Variants in TMEM19 observed in about 807,000 individuals in gnomAD.
The protein encoded by TMEM19 is transmembrane protein 19.
In TMEM19, 21 loss-of-function variants were observed where a neutral mutation model predicts 33.6. That is an observed-to-expected ratio of 0.62 (90% CI 0.44 to 0.90). The LOEUF is 0.90. Ranked by LOEUF, TMEM19 falls within the 40% of genes least tolerant of loss-of-function variation. The pLI is 0.00. For missense variants in TMEM19, 402 were observed against 401.8 expected (o/e 1.00, Z 0.00); for synonymous variants, 149 against 147.5 (o/e 1.01, Z -0.07).
Position 71,703,881 on chromosome 12 carries a change from C to CT in TMEM19, c.*2901dup, listed in dbSNP as rs58258956. 0.034 allele frequency: 7,049 copies of CT among 205,062 alleles called. 348 individuals are homozygous for CT. Among genetic ancestry groups the CT allele is most frequent in the African/African-American group, 0.13 (5,134 of 38,766 alleles). 12.7% of individuals were successfully genotyped at this position (205,062 alleles called of 1,614,324 possible). ...GAGGATAAGAAATTGTGTCTCTGTCCTTTTTTTTTTTTTTTGTTAAGTCTT... is the reference window on the plus strand; with the variant it reads ...GAGGATAAGAAATTGTGTCTCTGTCCTTTTTTTTTTTTTTTTGTTAAGTCTT... On this transcript the variant is annotated 3_prime_UTR_variant, in exon 6 of 6. Transcript: ENST00000266673.
At position 71,700,783 on chromosome 12, in the gene TMEM19, A is replaced by T; in HGVS notation, c.848-49A>T. ...AAAAAAAAGAAAGAAAAGAAAAAAA[A>T]TGAAGTCATTTGGGTTTTCTATCTC... On this transcript the variant is annotated intron_variant, in intron 5 of 5. Transcript: ENST00000266673. 2.7e-6 allele frequency: 4 copies of T among 1,461,994 alleles called. No homozygotes were observed. In the South Asian group the frequency reaches 6.2e-5, roughly 23 times the overall value. 90.6% of individuals were successfully genotyped at this position (1,461,994 alleles called of 1,614,324 possible).
At chr12:71,690,677 T>C (rs950512461) in intron 2 of TMEM19, among the ~76,000 whole-genome samples, 7 of 152,234 alleles carry the variant, frequency 4.6e-5, no homozygotes, top group African/African-American at 1.7e-4. Context: ...GAAGATGTAG[T>C]GCATTCTTCT....
chr12:71,695,695 A>G (rs1242935515), intron 2 of TMEM19, among the ~76,000 whole-genome samples: 2 of 152,160 alleles, frequency 1.3e-5, no homozygotes, highest in East Asian at 3.9e-4. Context: ...ATTATCCCTG[A>G]CTTTTTACAG....
intron 2 of TMEM19, 89 bp from the exon 3 acceptor site, chr12:71,696,347 T>C (rs1881870187): frequency 8.4e-7 from 1 of 1,196,738 alleles, no homozygotes; most frequent in African/African-American, 1.5e-5. Context: ...CAGGTTATAA[T>C]ATAAAAATAA....
In TMEM19 at chr12:71,703,189, A is replaced by AG; in HGVS notation, c.*2194_*2195insG. 1.6e-5 allele frequency: 1 copy of AG among 62,208 alleles called. No individual in the cohort carries two copies. The highest frequency in any genetic ancestry group is 2.6e-5 in the Non-Finnish European group (1 of 38,134). 3.9% of individuals were successfully genotyped at this position (62,208 alleles called of 1,614,324 possible). ...GAGACTCCATCTAGACTCCATCTCAAAAAAAAAAAAAAAAAAAAAAAAAAA... is the reference window on the plus strand; with the variant it reads ...GAGACTCCATCTAGACTCCATCTCAAGAAAAAAAAAAAAAAAAAAAAAAAAA... On this transcript the variant is annotated 3_prime_UTR_variant, in exon 6 of 6. Transcript: ENST00000266673.
rs1200797120 is a variant in TMEM19 at position 71,686,464 on chromosome 12, G to T, written c.-217G>T. ...CCGCCGGGTTGCGCTCTGCTTTTGC[G>T]GTGAGGCGTTGACCACGCCCATATG... On this transcript the variant is annotated 5_prime_UTR_variant, in exon 1 of 6. Coordinates refer to ENST00000266673, the MANE Select transcript of TMEM19 (RefSeq NM_018279.4). 1.4e-5 allele frequency: 6 copies of T among 430,374 alleles called. No individual in the cohort carries two copies. The highest frequency in any genetic ancestry group is 1.0e-4 in the South Asian group (4 of 38,182). 26.7% of individuals were successfully genotyped at this position (430,374 alleles called of 1,614,324 possible).
At position 71,686,106 on chromosome 12, in the gene TMEM19, G is replaced by C. The variant is rs561581347; in HGVS notation, c.-575G>C. 1 of 158,980 alleles carries C rather than the reference G, an allele frequency of 6.3e-6. No homozygotes were observed. Among genetic ancestry groups the C allele is most frequent in the Non-Finnish European group, 1.4e-5 (1 of 72,908 alleles). The allele number at this position is 158,980 out of a possible 1,614,324, so 9.8% of individuals were successfully genotyped here. On this transcript the variant is annotated 5_prime_UTR_variant, in exon 1 of 6. Coordinates refer to ENST00000266673, the MANE Select transcript of TMEM19 (RefSeq NM_018279.4). ...CATGCCCACAGCGGGCGAGGCGCTA[G>C]AGGCGGGGGCGCCGGGAGGCGCGGG...
At chr12:71,696,287 C>T in intron 2 of TMEM19, 149 bp from the exon 3 acceptor site, 1 of 623,748 alleles carries the variant, frequency 1.6e-6, no homozygotes, top group Non-Finnish European at 2.4e-6. Flanking sequence ...CAGTTTACTG[C>T]TTGCTAAGAA....
chr12:71,692,848 T>C (rs1450492019), intron 2 of TMEM19, among the ~76,000 whole-genome samples: 1 of 152,100 alleles, frequency 6.6e-6, no homozygotes, highest in African/African-American at 2.4e-5. Flanking sequence ...CCTTTGCTTT[T>C]TTCCTAATTA....
chr12:71,698,607 A>G (rs944314949), intron 4 of TMEM19, among the ~76,000 whole-genome samples: 4 of 121,276 alleles, frequency 3.3e-5, no homozygotes, highest in South Asian at 3.0e-4. Flanking sequence ...TGTCTCTGAA[A>G]AGAGAGAGAG....
chr12:71,698,837 G>A, intron 4 of TMEM19, 63 bp from the exon 5 acceptor site: 2 of 1,472,450 alleles, frequency 1.4e-6, no homozygotes, highest in Non-Finnish European at 1.9e-6. Flanking sequence ...GTACCTTGCT[G>A]TCCTTGCCTT....
At chr12:71,695,866 A>G (rs1466870054) in intron 2 of TMEM19, among the ~76,000 whole-genome samples, 1 of 152,212 alleles carries the variant, frequency 6.6e-6, no homozygotes, top group Non-Finnish European at 1.5e-5. Flanking sequence ...CTTTGTTATT[A>G]TTAATACTTT....
At chr12:71,696,369 C>A in intron 2 of TMEM19, 67 bp from the exon 3 acceptor site, 1 of 1,290,864 alleles carries the variant, frequency 7.7e-7, no homozygotes, top group Non-Finnish European at 1.0e-6. Context: ...GGAAAAAATC[C>A]ATTCTTTTTT....
chr12:71,690,004 C>G (rs1286727664), intron 2 of TMEM19, among the ~76,000 whole-genome samples: 1 of 152,204 alleles, frequency 6.6e-6, no homozygotes, highest in Non-Finnish European at 1.5e-5. Context: ...AGCAGAAACA[C>G]TGGAGCACTC....
rs1881872667 is a variant in TMEM19, at chr12:71,696,491, G to A, written c.300G>A (p.Leu100=). ...CAAATTTCAGCTTTTTTACCTCTTT[G>A]CTGATGTTTTTCTTGTCTTCTTCGA... is the stretch of plus-strand genomic sequence containing the variant. ...TIANFSFFTS[L]LMFFLSSSKL... Residue 100 remains leucine (L), a synonymous_variant, in exon 3 of 6, where the codon TTG becomes TTA. Transcript: ENST00000266673. The A allele has an allele frequency of 1.9e-6, 3 of 1,612,532 alleles. No individual in the cohort carries two copies.
rs1592624416 is a variant in TMEM19, at chr12:71,703,010, T to G, written c.*2015T>G. On this transcript the variant is annotated 3_prime_UTR_variant, in exon 6 of 6. Transcript: ENST00000266673. ...GCCTGGCCAACATGGTGAAACACCG[T>G]CTCTACTAAAAATACAAAAAATTAG... The G allele has an allele frequency of 6.6e-6, 1 of 151,194 alleles. No individual in the cohort carries two copies. Among genetic ancestry groups the G allele is most frequent in the East Asian group, 1.9e-4 (1 of 5,136 alleles). 9.4% of individuals were successfully genotyped at this position (151,194 alleles called of 1,614,324 possible). A position where few individuals can be genotyped will look rare whatever the true frequency, so the allele number is the denominator to read the frequency against.
At chr12:71,690,831 G>A (rs1881772607) in intron 2 of TMEM19, among the ~76,000 whole-genome samples, 1 of 152,148 alleles carries the variant, frequency 6.6e-6, no homozygotes, top group Non-Finnish European at 1.5e-5. Context: ...GCTTATTTGA[G>A]AGTAAGAATA....
intron 2 of TMEM19, among the ~76,000 whole-genome samples, chr12:71,690,898 T>C (rs1465878054): frequency 6.6e-6 from 1 of 152,184 alleles, no homozygotes; most frequent in Non-Finnish European, 1.5e-5. Flanking sequence ...AGAGATAAAA[T>C]TGAATAAACT....
rs11615799 is a variant in TMEM19 at position 71,703,134 on chromosome 12, A to T, written c.*2139A>T. Reference sequence around the variant, plus strand: ...GGAGGTTGCAGTGAGCCAAGATTGCACCACTGTACTCCAGCCTGGGCAACA... The same window carrying T: ...GGAGGTTGCAGTGAGCCAAGATTGCTCCACTGTACTCCAGCCTGGGCAACA... On this transcript the variant is annotated 3_prime_UTR_variant, in exon 6 of 6. Transcript: ENST00000266673. 1.5e-5 allele frequency: 2 copies of T among 134,352 alleles called. No individual in the cohort carries two copies. The highest frequency in any genetic ancestry group is 5.7e-5 in the African/African-American group (2 of 35,244). 8.3% of individuals were successfully genotyped at this position (134,352 alleles called of 1,614,324 possible). A position where few individuals can be genotyped will look rare whatever the true frequency, so the allele number is the denominator to read the frequency against.
Sources: allele counts gnomAD v4.1 joint callset (sites outside exome capture counted in the v4.1 genomes callset), GRCh38; gene constraint gnomAD v4.1.1; transcripts MANE v1.5; gene names NCBI Gene and HGNC (gene_info 2026-07-23, HGNC 2026-07-21).